Variants in RRP8 observed in about 807,000 individuals in gnomAD.
RRP8 encodes ribosomal RNA-processing protein 8.
A neutral mutation model predicts 45.0 loss-of-function variants in RRP8; 48 were observed. The ratio of observed to expected loss-of-function variants is 1.07; its 90% confidence interval spans 0.85 to 1.36. The LOEUF (loss-of-function observed/expected upper bound fraction) is 1.36. Among genes scored for constraint, RRP8 ranks in the 40% most tolerant of loss-of-function variants. The pLI is 0.00. For synonymous variants in RRP8, 274 were observed against 212.4 expected (o/e 1.29, Z -2.52); for missense variants, 658 against 573.7 (o/e 1.15, Z -1.50).
intron 1 of RRP8, 146 bp downstream of exon 1, chr11:6,603,258 C>G: frequency 1.7e-6 from 1 of 599,466 alleles, no homozygotes; most frequent in East Asian, 3.3e-5. Flanking sequence ...ACGTCAGTTT[C>G]TTTTGGAAGT....
At position 6,601,210 on chromosome 11, in the gene RRP8, T is replaced by C. The variant is rs1372034367; in HGVS notation, c.856A>G (p.Ser286Gly). Residue 286 changes from serine (S) to glycine (G), a missense_variant, in exon 3 of 7, where the codon AGC becomes GGC. Ser to Gly is a moderately conservative substitution (Grantham distance 56). Coordinates refer to ENST00000254605, the MANE Select transcript of RRP8 (RefSeq NM_015324.4). ...AFLLYHRGFQSQVKKWPLQPV... is the reference protein window; with the variant it reads ...AFLLYHRGFQGQVKKWPLQPV... The stretch of plus-strand genomic sequence containing the variant: ...TGCAGTGGCCACTTCTTCACTTGGC[T>C]CTGGAAGCCGCGGTGGTAGAGAAGA... The C allele has an allele frequency of 3.1e-6, 5 of 1,613,420 alleles. No homozygotes were observed. The highest frequency in any genetic ancestry group is 4.2e-6 in the Non-Finnish European group (5 of 1,179,642).
chr11:6,602,102 C>T lies in RRP8; in HGVS notation c.213G>A (p.Arg71=). ...ATGCCTTTTTGGGGCATTTCTTCTT[C>T]CTTTCCTCCTCCTCCTCCTCAGAGT... ...ISDSEEEEEE[R]KKKCPKKASF... The change falls in exon 2 of 7, where the codon AGG becomes AGA. Residue 71 remains arginine (R), a synonymous_variant. Coordinates refer to ENST00000254605, the MANE Select transcript of RRP8 (RefSeq NM_015324.4). 4.3e-6 allele frequency: 7 copies of T among 1,613,240 alleles called. No individual in the cohort carries two copies. The highest frequency in any genetic ancestry group is 5.9e-6 in the Non-Finnish European group (7 of 1,179,422).
chr11:6,601,476 C>T lies in RRP8; in HGVS notation c.590G>A (p.Arg197Lys), dbSNP rs1198839705. 1 of 1,613,896 alleles carries T rather than the reference C, an allele frequency of 6.2e-7. No homozygotes were observed. The highest frequency in any genetic ancestry group is 8.5e-7 in the Non-Finnish European group (1 of 1,180,040). ...QWRNRQKNKR[R>K]CKNKFQPPQV... The stretch of plus-strand genomic sequence containing the variant: ...AGGTGGCTGAAACTTGTTCTTACAT[C>T]TTCTCTTGTTCTTTTGCCGGTTCCG... Residue 197 changes from arginine (R) to lysine (K), a missense_variant, in exon 3 of 7, where the codon AGA becomes AAA. Transcript: ENST00000254605.
chr11:6,600,082 C>T lies in RRP8; in HGVS notation c.*64G>A. On this transcript the variant is annotated 3_prime_UTR_variant, in exon 7 of 7. Coordinates refer to ENST00000254605, the MANE Select transcript of RRP8 (RefSeq NM_015324.4). ...TCTTGGCTCACAGCCAGGCTGGAAA[C>T]AGTCTTCACAGTTCTGAGCCTGGAG... 1 of 1,086,420 alleles carries T rather than the reference C, an allele frequency of 9.2e-7. No individual in the cohort carries two copies. The highest frequency in any genetic ancestry group is 1.3e-6 in the Non-Finnish European group (1 of 767,986). 67.3% of individuals were successfully genotyped at this position (1,086,420 alleles called of 1,614,324 possible).
chr11:6,602,846 G>A (rs1854461515), intron 1 of RRP8, among the ~76,000 whole-genome samples: 1 of 152,158 alleles, frequency 6.6e-6, no homozygotes, highest in Non-Finnish European at 1.5e-5. Flanking sequence ...GGCTGATTCT[G>A]TGTTGCAGTC....
At position 6,601,268 on chromosome 11, in the gene RRP8, T is replaced by C. The variant is rs1162870780; in HGVS notation, c.798A>G (p.Ala266=). Residue 266 remains alanine (A), a synonymous_variant, in exon 3 of 7, where the codon GCA becomes GCG. Coordinates refer to ENST00000254605, the MANE Select transcript of RRP8 (RefSeq NM_015324.4). ...CAGGGTCTTCCTGGAAGAGACGCTG[T>C]GCAGCACTGCTGGGCCCTGAGTACA... ...EQLYSGPSSA[A]QRLFQEDPEA... 3 of 1,612,270 alleles carry C rather than the reference T, an allele frequency of 1.9e-6. No homozygotes were observed. Among genetic ancestry groups the C allele is most frequent in the Admixed American group, 3.4e-5 (2 of 59,580 alleles).
intron 2 of RRP8, 62 bp from the exon 3 acceptor site, chr11:6,601,664 C>A: frequency 1.3e-6 from 2 of 1,519,566 alleles, no homozygotes; most frequent in Non-Finnish European, 1.8e-6. Context: ...GGAGTCACGG[C>A]AAGTCATCCC....
In RRP8 at chr11:6,596,334, C is replaced by G. The variant is rs1471244946; in HGVS notation, c.*3812G>C. ...AAAGCTTGAGGAATAAAAAGCAAGT[C>G]TGTGTGGCTGGAGTTTTGTGAAAGG... On this transcript the variant is annotated 3_prime_UTR_variant, in exon 7 of 7. Transcript: ENST00000254605. 6.6e-6 allele frequency: 1 copy of G among 152,338 alleles called. No homozygotes were observed. The highest frequency in any genetic ancestry group is 1.5e-5 in the Non-Finnish European group (1 of 68,030). The allele number at this position is 152,338 out of a possible 1,614,324, so 9.4% of individuals were successfully genotyped here.
rs200309492 is a variant in RRP8, at chr11:6,600,505, C to G, written c.1232G>C (p.Gly411Ala). The change falls in exon 6 of 7, where the codon GGC becomes GCC. Residue 411 changes from glycine to alanine, a missense_variant. Gly to Ala is a moderately conservative substitution (Grantham distance 60). Coordinates refer to ENST00000254605, the MANE Select transcript of RRP8 (RefSeq NM_015324.4). ...RTFLRAVTKL[G>A]FKIVSKDLTN... ...CCTCACCTTGGAGACAATCTTGAAG[C>G]CTAGCTTGGTCACAGCCCGCAGAAA... 5.6e-6 allele frequency: 9 copies of G among 1,613,502 alleles called. No homozygotes were observed. The highest frequency in any genetic ancestry group is 3.5e-4 in the Middle Eastern group (2 of 5,680).
At position 6,596,070 on chromosome 11, in the gene RRP8, C is replaced by T. The variant is rs747380616; in HGVS notation, c.*4076G>A. 2.0e-5 allele frequency: 3 copies of T among 152,194 alleles called. No individual in the cohort carries two copies. Among genetic ancestry groups the T allele is most frequent in the Admixed American group, 6.5e-5 (1 of 15,280 alleles). 9.4% of individuals were successfully genotyped at this position (152,194 alleles called of 1,614,324 possible). A position where few individuals can be genotyped will look rare whatever the true frequency, so the allele number is the denominator to read the frequency against. On this transcript the variant is annotated 3_prime_UTR_variant, in exon 7 of 7. Transcript: ENST00000254605. The stretch of plus-strand genomic sequence containing the variant: ...CTGCCTTGGTCTAGTATTGAAACAT[C>T]ACTTCCACTCATTTTCCACTGTTGA...
intron 1 of RRP8, among the ~76,000 whole-genome samples, chr11:6,602,553 G>T (rs1311409078): frequency 6.6e-6 from 1 of 152,206 alleles, no homozygotes; most frequent in Admixed American, 6.5e-5. Flanking sequence ...ATACATTTCT[G>T]TAAGAGGTAA....
Position 6,603,534 on chromosome 11 carries a change from C to T in RRP8, c.-32G>A, listed in dbSNP as rs1854515928. The T allele has an allele frequency of 2.2e-6, 3 of 1,391,260 alleles. No individual in the cohort carries two copies. Among genetic ancestry groups the T allele is most frequent in the African/African-American group, 2.9e-5 (2 of 69,020 alleles). The allele number at this position is 1,391,260 out of a possible 1,614,324, so 86.2% of individuals were successfully genotyped here. On this transcript the variant is annotated 5_prime_UTR_variant, in exon 1 of 7. Transcript: ENST00000254605. ...CGGGAGGGCAGGGTCGCCGAGTCCC[C>T]GCTCTTCTCCACGTGCACAGCGCTC...
At position 6,601,288 on chromosome 11, in the gene RRP8, A is replaced by G. The variant is rs1232673434; in HGVS notation, c.778T>C (p.Ser260Pro). 6.2e-6 allele frequency: 10 copies of G among 1,613,080 alleles called. No homozygotes were observed. Among genetic ancestry groups the G allele is most frequent in the Middle Eastern group, 1.6e-4 (1 of 6,084 alleles). Residue 260 changes from serine (S) to proline (P), a missense_variant, in exon 3 of 7, where the codon TCA becomes CCA. Ser to Pro is a moderately conservative substitution (Grantham distance 74, BLOSUM62 -1). Coordinates refer to ENST00000254605, the MANE Select transcript of RRP8 (RefSeq NM_015324.4). ...CGCTGTGCAGCACTGCTGGGCCCTG[A>G]GTACAACTGTTCATTGAGGTAGCGA... ...RFRYLNEQLY[S>P]GPSSAAQRLF... is the part of the protein sequence containing the mutation.
rs1418632975 is a variant in RRP8, at chr11:6,599,423, C to T, written c.*723G>A. 6.6e-6 allele frequency: 1 copy of T among 152,168 alleles called. No individual in the cohort carries two copies. The highest frequency in any genetic ancestry group is 1.5e-5 in the Non-Finnish European group (1 of 68,034). 9.4% of individuals were successfully genotyped at this position (152,168 alleles called of 1,614,324 possible). ...CTTTAAGTGCCTCTGGGTAGCAGGC[C>T]AAGAATTAAATCCAGGTCTACCTGA... On this transcript the variant is annotated 3_prime_UTR_variant, in exon 7 of 7. Coordinates refer to ENST00000254605, the MANE Select transcript of RRP8 (RefSeq NM_015324.4).
In RRP8 at chr11:6,595,993, C is replaced by T. The variant is rs1259702145; in HGVS notation, c.*4153G>A. Reference sequence around the variant, plus strand: ...GTCAAAACATGTGCTTCAAGGTTACCTTGAAGAGGAAGGAGGAAGAGAATA... The same window carrying T: ...GTCAAAACATGTGCTTCAAGGTTACTTTGAAGAGGAAGGAGGAAGAGAATA... On this transcript the variant is annotated 3_prime_UTR_variant, in exon 7 of 7. Transcript: ENST00000254605. 6.6e-6 allele frequency: 1 copy of T among 152,182 alleles called. No individual in the cohort carries two copies. Among genetic ancestry groups the T allele is most frequent in the Non-Finnish European group, 1.5e-5 (1 of 68,034 alleles). The allele number at this position is 152,182 out of a possible 1,614,324, so 9.4% of individuals were successfully genotyped here.
intron 1 of RRP8, 145 bp downstream of exon 1, chr11:6,603,259 T>C (rs1854495791): frequency 1.3e-5 from 8 of 601,040 alleles, no homozygotes; most frequent in Non-Finnish European, 2.0e-5. Flanking sequence ...CGTCAGTTTC[T>C]TTTGGAAGTT....
chr11:6,601,680 T>C (rs182299570), intron 2 of RRP8, 78 bp from the exon 3 acceptor site: 30 of 1,504,314 alleles, frequency 2.0e-5, no homozygotes, highest in Non-Finnish European at 2.7e-5. Context: ...ATCCCAGCCA[T>C]ACCTCTGTCT....
rs900052051 is a variant in RRP8, at chr11:6,595,680, A to T, written c.*4466T>A. Reference sequence around the variant, plus strand: ...CCCCTGATTTTAAACTCATGGGACAAAAAGAAAGTGTTGACTGGCATCTGG... The same window carrying T: ...CCCCTGATTTTAAACTCATGGGACATAAAGAAAGTGTTGACTGGCATCTGG... On this transcript the variant is annotated 3_prime_UTR_variant, in exon 7 of 7. Coordinates refer to ENST00000254605, the MANE Select transcript of RRP8 (RefSeq NM_015324.4). 1 of 152,236 alleles carries T rather than the reference A, an allele frequency of 6.6e-6. No individual in the cohort carries two copies. The highest frequency in any genetic ancestry group is 1.5e-5 in the Non-Finnish European group (1 of 68,048). 9.4% of individuals were successfully genotyped at this position (152,236 alleles called of 1,614,324 possible). A position where few individuals can be genotyped will look rare whatever the true frequency, so the allele number is the denominator to read the frequency against.
rs151092806 is a variant in RRP8, at chr11:6,595,291, G to A, written c.*4855C>T. On this transcript the variant is annotated 3_prime_UTR_variant, in exon 7 of 7. Coordinates refer to ENST00000254605, the MANE Select transcript of RRP8 (RefSeq NM_015324.4). ...TAGATTGGTTTCAGTCATGTTATAG[G>A]GAATAATGGAACGTATTTATACCAG... 4.6e-5 allele frequency: 7 copies of A among 152,120 alleles called. No homozygotes were observed. Among genetic ancestry groups the A allele is most frequent in the African/African-American group, 7.2e-5 (3 of 41,482 alleles). 9.4% of individuals were successfully genotyped at this position (152,120 alleles called of 1,614,324 possible). A position where few individuals can be genotyped will look rare whatever the true frequency, so the allele number is the denominator to read the frequency against.
Sources: gnomAD v4.1 joint callset for allele counts (sites outside exome capture counted in the v4.1 genomes callset) on GRCh38, gnomAD v4.1.1 for gene constraint, MANE v1.5 for transcripts, NCBI Gene and HGNC (gene_info 2026-07-23, HGNC 2026-07-21) for gene names.